Variants in RBM12 observed in about 807,000 individuals in gnomAD.
RBM12 encodes the protein RNA binding motif protein 12.
A neutral mutation model predicts 37.2 loss-of-function variants in RBM12; 24 were observed. That is an observed-to-expected ratio of 0.65 (90% CI 0.47 to 0.91). The LOEUF is 0.91. Among genes scored for constraint, RBM12 ranks in the 40% least tolerant of loss-of-function variants. The probability of loss-of-function intolerance (pLI) is 0.00; values close to 1 mark genes in which losing one functional copy is unlikely to be tolerated. For synonymous variants in RBM12, 420 were observed against 425.2 expected (o/e 0.99, Z 0.15); for missense variants, 1,061 against 1,183.2 (o/e 0.90, Z 1.52).
chr20:35,654,304 C>A lies in RBM12; in HGVS notation c.1019G>T (p.Gly340Val). ...DAVHLLKDHV[G>V]RNNGNGLVKF... ...AACCAATCCATTCCCATTATTTCGA[C>A]CTACATGATCTTTCAACAAATGCAC... The change falls in exon 3 of 3, where the codon GGT becomes GTT. Residue 340 changes from glycine (G) to valine (V), a missense_variant. Transcript: ENST00000374114. 6.2e-7 allele frequency: 1 copy of A among 1,614,182 alleles called. No homozygotes were observed. Among genetic ancestry groups the A allele is most frequent in the Non-Finnish European group, 8.5e-7 (1 of 1,180,036 alleles).
At position 35,653,015 on chromosome 20, in the gene RBM12, G is replaced by A. The variant is rs886883866; in HGVS notation, c.2308C>T (p.Pro770Ser). The change falls in exon 3 of 3, where the codon CCG (proline) becomes TCG (serine). Residue 770 changes from proline to serine, a missense_variant. By Grantham distance (74) the Pro-to-Ser change is moderately conservative. Coordinates refer to ENST00000374114, the MANE Select transcript of RBM12 (RefSeq NM_006047.6). ...SGLPGLGLDV[P>S]GFGGGPNNLS... ...TTGTTTGGTCCACCTCCAAAACCCGGAACATCCAGTCCTAGACCAGGCAAA... is the reference window on the plus strand; with the variant it reads ...TTGTTTGGTCCACCTCCAAAACCCGAAACATCCAGTCCTAGACCAGGCAAA... The A allele has an allele frequency of 1.7e-5, 27 of 1,613,694 alleles. No individual in the cohort carries two copies. The highest frequency in any genetic ancestry group is 2.2e-5 in the Non-Finnish European group (26 of 1,180,042).
In RBM12 at chr20:35,652,378, G is replaced by C. The variant is rs2033582571; in HGVS notation, c.*146C>G. 1.1e-6 allele frequency: 1 copy of C among 899,646 alleles called. No individual in the cohort carries two copies. Among genetic ancestry groups the C allele is most frequent in the South Asian group, 1.7e-5 (1 of 57,872 alleles). The allele number at this position is 899,646 out of a possible 1,614,324, so 55.7% of individuals were successfully genotyped here. On this transcript the variant is annotated 3_prime_UTR_variant, in exon 3 of 3. Coordinates refer to ENST00000374114, the MANE Select transcript of RBM12 (RefSeq NM_006047.6). ...CTGGTGAGTGAGTCTTCTGTAAACAGTCAACCAATGCTCTATGTTATGGAA... is the reference window on the plus strand; with the variant it reads ...CTGGTGAGTGAGTCTTCTGTAAACACTCAACCAATGCTCTATGTTATGGAA...
intron 1 of RBM12, among the ~76,000 whole-genome samples, chr20:35,663,559 A>C (rs762315841): frequency 6.6e-6 from 1 of 152,236 alleles, no homozygotes; most frequent in Admixed American, 6.5e-5. Context: ...AACTTCTTCA[A>C]TTTATATTAG....
chr20:35,663,831 T>TCC (rs959327831), intron 1 of RBM12, among the ~76,000 whole-genome samples: 1 of 152,094 alleles, frequency 6.6e-6, no homozygotes, highest in Non-Finnish European at 1.5e-5. Flanking sequence ...TCAAAGTCCC[T>TCC]CCCACCACCC....
chr20:35,658,613 T>A (rs1381112306), intron 2 of RBM12, among the ~76,000 whole-genome samples: 1 of 151,788 alleles, frequency 6.6e-6, no homozygotes, highest in African/African-American at 2.4e-5. Context: ...ACAAAAAAAT[T>A]AGCCGGGTAT....
At chr20:35,657,464 T>C (rs558070980) in intron 2 of RBM12, among the ~76,000 whole-genome samples, 2 of 151,950 alleles carry the variant, frequency 1.3e-5, no homozygotes, top group South Asian at 2.1e-4. Flanking sequence ...TCAAAACAAC[T>C]TGAGAGAGAG....
At chr20:35,664,452 C>T (rs889936607) in intron 1 of RBM12, 4 of 152,362 alleles carry the variant, frequency 2.6e-5, no homozygotes, top group Non-Finnish European at 5.9e-5. Context: ...TTACTGCAGT[C>T]CCCGTTAGCT....
intron 1 of RBM12, among the ~76,000 whole-genome samples, chr20:35,662,629 AG>A (rs1287741167): frequency 6.6e-6 from 1 of 152,234 alleles, no homozygotes; most frequent in Non-Finnish European, 1.5e-5. Context: ...CATCTACAGA[AG>A]AAAACATACA....
At position 35,649,250 on chromosome 20, in the gene RBM12, G is replaced by A. The variant is rs191283260; in HGVS notation, c.*3274C>T. 3.3e-5 allele frequency: 5 copies of A among 152,240 alleles called. No individual in the cohort carries two copies. The highest frequency in any genetic ancestry group is 6.5e-5 in the Admixed American group (1 of 15,292). 9.4% of individuals were successfully genotyped at this position (152,240 alleles called of 1,614,324 possible). A position where few individuals can be genotyped will look rare whatever the true frequency, so the allele number is the denominator to read the frequency against. ...TTTACATTTTCTTTACTCATTTCCC[G>A]AGTGTTCTTAAAATTGATGAGATTT... On this transcript the variant is annotated 3_prime_UTR_variant, in exon 3 of 3. Coordinates refer to ENST00000374114, the MANE Select transcript of RBM12 (RefSeq NM_006047.6).
In RBM12 at chr20:35,652,759, G is replaced by A. The variant is rs779156891; in HGVS notation, c.2564C>T (p.Pro855Leu). The A allele has an allele frequency of 5.0e-6, 8 of 1,612,532 alleles. No individual in the cohort carries two copies. Among genetic ancestry groups the A allele is most frequent in the Admixed American group, 1.7e-5 (1 of 59,820 alleles). Residue 855 changes from proline (P) to leucine (L), a missense_variant, in exon 3 of 3, where the codon CCG becomes CTG. Pro to Leu is a moderately conservative substitution (Grantham distance 98). Around this residue, in one of 3 missense-constraint regions of RBM12, gnomAD observed 517 missense variants for 534.0 expected, o/e 0.97. Transcript: ENST00000374114. Reference sequence around the variant, plus strand: ...CATGTTTTGCACTTTAATTACTGTCGGTCCTGGTTTTCCAGAACTAGATGC... The same window carrying A: ...CATGTTTTGCACTTTAATTACTGTCAGTCCTGGTTTTCCAGAACTAGATGC... ...GFASSSGKPG[P>L]TVIKVQNMPF...
Position 35,653,332 on chromosome 20 carries a change from C to G in RBM12, c.1991G>C (p.Ser664Thr). Residue 664 changes from serine (S) to threonine (T), a missense_variant, in exon 3 of 3, where the codon AGT (serine) becomes ACT (threonine). Physicochemically the swap from Ser to Thr is moderately conservative, Grantham distance 58. Transcript: ENST00000374114. ...CAGGCCTGCACCGGGAAGTCCTGCACTGGGCAGTCCCACACCGGGCAGTCC... is the reference window on the plus strand; with the variant it reads ...CAGGCCTGCACCGGGAAGTCCTGCAGTGGGCAGTCCCACACCGGGCAGTCC... The part of the protein sequence containing the change: ...NAGLPGVGLP[S>T]AGLPGAGLPS... 6.2e-7 allele frequency: 1 copy of G among 1,614,052 alleles called. No homozygotes were observed. The highest frequency in any genetic ancestry group is 8.5e-7 in the Non-Finnish European group (1 of 1,179,980).
Position 35,649,578 on chromosome 20 carries a change from A to T in RBM12, c.*2946T>A, listed in dbSNP as rs2033356093. 1 of 152,648 alleles carries T rather than the reference A, an allele frequency of 6.6e-6. No individual in the cohort carries two copies. Among genetic ancestry groups the T allele is most frequent in the Non-Finnish European group, 1.5e-5 (1 of 68,030 alleles). The allele number at this position is 152,648 out of a possible 1,614,324, so 9.5% of individuals were successfully genotyped here. A position where few individuals can be genotyped will look rare whatever the true frequency, so the allele number is the denominator to read the frequency against. On this transcript the variant is annotated 3_prime_UTR_variant, in exon 3 of 3. Transcript: ENST00000374114. ...TTCACTTAACACTGTTTCATTTTTT[A>T]AAAAGCCACTAATAATAATTGTACA...
intron 1 of RBM12, among the ~76,000 whole-genome samples, chr20:35,662,156 C>T (rs1321112124): frequency 6.6e-6 from 1 of 152,128 alleles, no homozygotes; most frequent in East Asian, 1.9e-4. Flanking sequence ...CATTAACCTC[C>T]ATTCCGTACT....
chr20:35,664,120 C>T (rs1405154641), intron 1 of RBM12, among the ~76,000 whole-genome samples: 1 of 152,122 alleles, frequency 6.6e-6, no homozygotes, highest in Non-Finnish European at 1.5e-5. Flanking sequence ...AAAACTGCTA[C>T]ACCCTCGAGT....
In RBM12 at chr20:35,653,553, A is replaced by T; in HGVS notation, c.1770T>A (p.Val590=). ...NNGQGLGQAL[V]QFKNEDDARK... ...GTGCATCATCTTCATTTTTAAACTG[A>T]ACCAATGCCTGTCCTAGACCTTGCC... Residue 590 remains valine (V), a synonymous_variant, in exon 3 of 3, where the codon GTT becomes GTA. Coordinates refer to ENST00000374114, the MANE Select transcript of RBM12 (RefSeq NM_006047.6). 6.2e-7 allele frequency: 1 copy of T among 1,614,222 alleles called. No homozygotes were observed. Among genetic ancestry groups the T allele is most frequent in the Non-Finnish European group, 8.5e-7 (1 of 1,180,038 alleles).
rs2033331025 is a variant in RBM12 at position 35,649,204 on chromosome 20, A to G, written c.*3320T>C. Reference sequence around the variant, plus strand: ...TGACCACTTCCAGAAATTCTTTCCAAAAGATTTGACTAGCAGCAATTTTAC... The same window carrying G: ...TGACCACTTCCAGAAATTCTTTCCAGAAGATTTGACTAGCAGCAATTTTAC... On this transcript the variant is annotated 3_prime_UTR_variant, in exon 3 of 3. Coordinates refer to ENST00000374114, the MANE Select transcript of RBM12 (RefSeq NM_006047.6). 1 of 152,248 alleles carries G rather than the reference A, an allele frequency of 6.6e-6. No individual in the cohort carries two copies. Among genetic ancestry groups the G allele is most frequent in the Non-Finnish European group, 1.5e-5 (1 of 68,040 alleles). 9.4% of individuals were successfully genotyped at this position (152,248 alleles called of 1,614,324 possible). A position where few individuals can be genotyped will look rare whatever the true frequency, so the allele number is the denominator to read the frequency against.
Position 35,653,671 on chromosome 20 carries a change from A to G in RBM12, c.1652T>C (p.Ile551Thr), listed in dbSNP as rs1286952167. 6.8e-6 allele frequency: 11 copies of G among 1,614,062 alleles called. No homozygotes were observed. Among genetic ancestry groups the G allele is most frequent in the Non-Finnish European group, 5.1e-6 (6 of 1,180,040 alleles). Reference protein sequence around the residue: ...SAKVCAHITNIPFSITKMDVL... With the variant: ...SAKVCAHITNTPFSITKMDVL... ...ATCCATCTTTGTAATGCTGAATGGA[A>G]TATTTGTTATGTGGGCACAGACTTT... Residue 551 changes from isoleucine (I) to threonine (T), a missense_variant, in exon 3 of 3, where the codon ATT (isoleucine) becomes ACT (threonine). Ile to Thr is a moderately conservative substitution (Grantham distance 89, BLOSUM62 -1). Coordinates refer to ENST00000374114, the MANE Select transcript of RBM12 (RefSeq NM_006047.6).
At chr20:35,664,231 C>CA in intron 1 of RBM12, 1 of 152,412 alleles carries the variant, frequency 6.6e-6, no homozygotes, top group Non-Finnish European at 1.5e-5. Context: ...TTTCTGAACT[C>CA]ACAGGAGTGT....
rs183757041 is a variant in RBM12 at position 35,663,369 on chromosome 20, T to C, written c.-108+1391A>G. On this transcript the variant is annotated intron_variant, in intron 1 of 2. Coordinates refer to ENST00000374114, the MANE Select transcript of RBM12 (RefSeq NM_006047.6). Reference sequence around the variant, plus strand: ...TAGTTAACAAGGTCCCAGACAATTCTTGTTGCTAAGACTGCATTTTGCAAA... The same window carrying C: ...TAGTTAACAAGGTCCCAGACAATTCCTGTTGCTAAGACTGCATTTTGCAAA... 4.6e-5 allele frequency among the ~76,000 whole-genome samples: 7 copies of C among 152,348 alleles called. No individual in the cohort carries two copies. In the East Asian group the frequency reaches 7.7e-4, roughly 17 times the overall value.
Sources: gnomAD v4.1 joint callset for allele counts (sites outside exome capture counted in the v4.1 genomes callset) on GRCh38, gnomAD v4.1.1 for gene constraint, gnomAD v4.1.1 regional missense constraint, MANE v1.5 for transcripts, NCBI Gene and HGNC (gene_info 2026-07-23, HGNC 2026-07-21) for gene names.